SHF: variants seen among roughly 807,000 people sequenced by gnomAD.
The protein encoded by SHF is SH2 domain-containing adapter protein F.
In SHF, 30 loss-of-function variants were observed where a neutral mutation model predicts 42.4. That is an observed-to-expected ratio of 0.71 (90% CI 0.53 to 0.96). The LOEUF (loss-of-function observed/expected upper bound fraction) is 0.96, where lower values mean the gene tolerates loss of function less well. Ranked by LOEUF, SHF falls within the 40% of genes least tolerant of loss-of-function variation. The pLI is 0.00. For missense variants in SHF, 598 were observed against 634.0 expected (o/e 0.94, Z 0.61); for synonymous variants, 264 against 269.9 (o/e 0.98, Z 0.21).
chr15:45,198,485 CTCAGTTT>C, intron 2 of SHF: 2 of 370,664 alleles, frequency 5.4e-6, no homozygotes, highest in Non-Finnish European at 9.8e-6. Flanking sequence ...CTCGGAGTGC[CTCAGTTT>C]TCAAAGGAGA....
chr15:45,196,682 G>A (rs1324339752), intron 2 of SHF, among the ~76,000 whole-genome samples: 1 of 152,024 alleles, frequency 6.6e-6, no homozygotes, highest in Non-Finnish European at 1.5e-5. Flanking sequence ...CAGAACACGA[G>A]GTCAGGAGAT....
intron 1 of SHF, chr15:45,199,164 TC>T: frequency 5.1e-6 from 7 of 1,369,478 alleles, no homozygotes; most frequent in Non-Finnish European, 5.8e-6. Context: ...CAAACGCATC[TC>T]CCCATGTTCC....
At chr15:45,181,614 C>T (rs1898131967) in intron 1 of SHF, among the ~76,000 whole-genome samples, 1 of 152,242 alleles carries the variant, frequency 6.6e-6, no homozygotes, top group African/African-American at 2.4e-5. Flanking sequence ...CTAAGGGACG[C>T]TCAACAGGCG....
intron 4 of SHF, 43 bp downstream of exon 4, chr15:45,173,533 G>A (rs534694942): frequency 2.7e-5 from 39 of 1,457,446 alleles, no homozygotes; most frequent in Non-Finnish European, 3.2e-5. Context: ...GGCCTGGAGG[G>A]GTGAGGACAT....
At chr15:45,198,068 A>T (rs1898921969) in intron 2 of SHF, among the ~76,000 whole-genome samples, 1 of 152,090 alleles carries the variant, frequency 6.6e-6, no homozygotes, top group South Asian at 2.1e-4. Flanking sequence ...TAAATGACCC[A>T]GAGCCTCCGT....
chr15:45,198,795 T>C (rs753410344), exon 2 of SHF: 2 of 1,613,414 alleles, frequency 1.2e-6, no homozygotes, highest in East Asian at 2.2e-5. Flanking sequence ...AGCCTGTCCC[T>C]GAGTCTGATA....
Position 45,172,261 on chromosome 15 carries a change from C to T in SHF, c.1046G>A (p.Arg349Gln), listed in dbSNP as rs140713703. Residue 349 changes from arginine to glutamine, a missense_variant, in exon 5 of 7, where the codon CGG (arginine) becomes CAG (glutamine). Transcript: ENST00000690270. ...CCCTGCAGAGAGTCGGGGAGGTAGC[C>T]GCCCCTTCTCCTCCCGGCCAGGTGA... ...CLSPGREEKG[R>Q]LPPRLSAGNP... 12 of 1,613,178 alleles carry T rather than the reference C, an allele frequency of 7.4e-6. No homozygotes were observed. The highest frequency in any genetic ancestry group is 1.6e-4 in the Middle Eastern group (1 of 6,082).
At chr15:45,179,308 A>G (rs1897998140) in intron 1 of SHF, among the ~76,000 whole-genome samples, 1 of 152,240 alleles carries the variant, frequency 6.6e-6, no homozygotes, top group African/African-American at 2.4e-5. Context: ...CCTTTGTGCA[A>G]AAGGCTGCCA....
Position 45,187,727 on chromosome 15 carries a change from G to T in SHF, c.225C>A (p.Asp75Glu). ...GGSKPAPPEP[D>E]YRPPAPSPAA... ...CCGGAGAGGGCGCAGGGGGGCGGTA[G>T]TCGGGCTCGGGGGGCGCCGGCTTGC... Residue 75 changes from aspartate to glutamate, a missense_variant, in exon 1 of 7, where the codon GAC (aspartate) becomes GAA (glutamate). Transcript: ENST00000690270. 1 of 1,032,746 alleles carries T rather than the reference G, an allele frequency of 9.7e-7. No individual in the cohort carries two copies. The allele number at this position is 1,032,746 out of a possible 1,614,324, so 64.0% of individuals were successfully genotyped here. A position where few individuals can be genotyped will look rare whatever the true frequency, so the allele number is the denominator to read the frequency against.
intron 2 of SHF, among the ~76,000 whole-genome samples, chr15:45,177,206 TGACCCA>T (rs1567033290): frequency 6.6e-6 from 1 of 152,188 alleles, no homozygotes; most frequent in Non-Finnish European, 1.5e-5. Flanking sequence ...GTGCTGTCTT[TGACCCA>T]GAGCCCCAGG....
chr15:45,172,003 CTAAGGA>C lies in SHF; in HGVS notation c.1161-7_1161-2del. ...TCGGCTGATGGCCCCGTGATACCAG[CTAAGGA>C]TGAGAGAGAGGAAGGGGGGCATCTC... On this transcript the variant is annotated splice_acceptor_variant and splice_polypyrimidine_tract_variant and intron_variant, in intron 5 of 6. Transcript: ENST00000690270. LOFTEE classifies it high-confidence loss of function. 1 of 1,613,902 alleles carries C rather than the reference CTAAGGA, an allele frequency of 6.2e-7. No homozygotes were observed. Among genetic ancestry groups the C allele is most frequent in the Non-Finnish European group, 8.5e-7 (1 of 1,179,854 alleles).
chr15:45,187,735 C>CG lies in SHF; in HGVS notation c.216dup (p.Glu73ArgfsTer82). On this transcript the variant is annotated frameshift_variant, in exon 1 of 7. Transcript: ENST00000690270. LOFTEE classifies it high-confidence loss of function. ...GGCGCAGGGGGGCGGTAGTCGGGCT[C>CG]GGGGGGCGCCGGCTTGCTGCCCCCT... is the stretch of plus-strand genomic sequence containing the variant. 6.2e-6 allele frequency: 6 copies of CG among 970,428 alleles called. No individual in the cohort carries two copies. The highest frequency in any genetic ancestry group is 7.9e-6 in the Non-Finnish European group (6 of 755,776). 60.1% of individuals were successfully genotyped at this position (970,428 alleles called of 1,614,324 possible).
Position 45,187,926 on chromosome 15 carries a change from G to A in SHF, c.26C>T (p.Ala9Val). Residue 9 changes from alanine (A) to valine (V), a missense_variant, in exon 1 of 7, where the codon GCT (alanine) becomes GTT (valine). By Grantham distance (64) the Ala-to-Val change is moderately conservative. Around this residue, in one of 2 missense-constraint regions of SHF, gnomAD observed 159 missense variants for 109.3 expected, o/e 1.45. Coordinates refer to ENST00000690270, the MANE Select transcript of SHF (RefSeq NM_001394037.1). MLLSGAPP[A>V]GSRPGPRTQG... ...CGTTCGCGGCCCCGGGCGGGAGCCAGCCGGAGGAGCTCCGCTCAGTAACAT... is the reference window on the plus strand; with the variant it reads ...CGTTCGCGGCCCCGGGCGGGAGCCAACCGGAGGAGCTCCGCTCAGTAACAT... 1 of 1,181,174 alleles carries A rather than the reference G, an allele frequency of 8.5e-7. No individual in the cohort carries two copies. The allele number at this position is 1,181,174 out of a possible 1,614,324, so 73.2% of individuals were successfully genotyped here.
intron 6 of SHF, among the ~76,000 whole-genome samples, chr15:45,169,201 C>T (rs1466919364): frequency 2.0e-5 from 3 of 152,310 alleles, no homozygotes; most frequent in South Asian, 2.1e-4. Context: ...GTGAGGCTGG[C>T]AATCCTTATC....
At chr15:45,177,925 T>G (rs1897907825) in intron 2 of SHF, among the ~76,000 whole-genome samples, 1 of 152,208 alleles carries the variant, frequency 6.6e-6, no homozygotes, top group Admixed American at 6.5e-5. Context: ...CCTTCCTATC[T>G]TGAATACTTC....
intron 2 of SHF, among the ~76,000 whole-genome samples, chr15:45,175,905 G>A (rs543501408): frequency 9.7e-4 from 141 of 146,000 alleles, no homozygotes; most frequent in African/African-American, 2.5e-3. Context: ...TACAACCTCC[G>A]CCTCCCCGGT....
At position 45,167,948 on chromosome 15, in the gene SHF, TAA is replaced by T. The variant is rs1567026039; in HGVS notation, c.1464_1465del (p.Ter489AspfsTer50). On this transcript the variant is annotated frameshift_variant and stop_lost, in exon 7 of 7. Transcript: ENST00000690270. LOFTEE classifies it high-confidence loss of function. ...TATCACAGTGCCCTGGCTTCACATC[TAA>T]AGAGTCCGGATGGCCACAGGGTAGA... The T allele has an allele frequency of 6.2e-7, 1 of 1,600,424 alleles. No individual in the cohort carries two copies. Among genetic ancestry groups the T allele is most frequent in the South Asian group, 1.1e-5 (1 of 88,406 alleles).
chr15:45,171,920 T>C lies in SHF; in HGVS notation c.1243A>G (p.Ser415Gly), dbSNP rs1897510884. 1 of 1,613,772 alleles carries C rather than the reference T, an allele frequency of 6.2e-7. No individual in the cohort carries two copies. The highest frequency in any genetic ancestry group is 8.5e-7 in the Non-Finnish European group (1 of 1,179,872). The change falls in exon 6 of 7, where the codon AGT becomes GGT. Residue 415 changes from serine (S) to glycine (G), a missense_variant. Physicochemically the swap from Ser to Gly is moderately conservative, Grantham distance 56. Coordinates refer to ENST00000690270, the MANE Select transcript of SHF (RefSeq NM_001394037.1). ...GAGAAGTCATTCTTGCTGGTCTCAC[T>C]GTTGCGCACCAGGTAGCTGGCCTCT... ...CKEASYLVRN[S>G]ETSKNDFSLS...
chr15:45,175,813 T>G, intron 2 of SHF, among the ~76,000 whole-genome samples: 1 of 88,324 alleles, frequency 1.1e-5, no homozygotes. Context: ...TTTTTCTTTT[T>G]CTTTTCTTTT....
Sources: gnomAD v4.1 joint callset for allele counts (sites outside exome capture counted in the v4.1 genomes callset) on GRCh38, gnomAD v4.1.1 for gene constraint, gnomAD v4.1.1 regional missense constraint, MANE v1.5 for transcripts, NCBI Gene and HGNC (gene_info 2026-07-23, HGNC 2026-07-21) for gene names.